PTPRD: variants seen among roughly 807,000 people sequenced by gnomAD.
PTPRD encodes protein tyrosine phosphatase receptor type D, also known as receptor-type tyrosine-protein phosphatase delta.
Under a neutral mutation model 214.5 loss-of-function variants are expected in PTPRD, and 34 were observed. The ratio of observed to expected loss-of-function variants is 0.16; its 90% confidence interval spans 0.12 to 0.21. The LOEUF (loss-of-function observed/expected upper bound fraction) is 0.21, where lower values mean the gene tolerates loss of function less well. Ranked by LOEUF, PTPRD falls within the 10% of genes least tolerant of loss-of-function variation. The pLI, the probability that PTPRD is intolerant of heterozygous loss-of-function variation, is 1.00. For synonymous variants in PTPRD, 1,128 were observed against 845.7 expected (o/e 1.33, Z -5.79); for missense variants, 2,545 against 2,398.7 (o/e 1.06, Z -1.27).
At chr9:9,050,136 G>T (rs140156722) in intron 10 of PTPRD, among the ~76,000 whole-genome samples, 1 of 152,178 alleles carries the variant, frequency 6.6e-6, no homozygotes, top group Non-Finnish European at 1.5e-5. Context: ...TATCTCCAAA[G>T]GCTATAAAAA....
chr9:8,351,402 G>T (rs974590767), intron 39 of PTPRD, among the ~76,000 whole-genome samples: 6 of 149,186 alleles, frequency 4.0e-5, no homozygotes, highest in Non-Finnish European at 8.9e-5. Context: ...GTATTTTTTT[G>T]TAGCTTTTTT....
chr9:9,274,830 C>T (rs1944342913), intron 9 of PTPRD, among the ~76,000 whole-genome samples: 1 of 149,458 alleles, frequency 6.7e-6, no homozygotes, highest in Non-Finnish European at 1.5e-5. Flanking sequence ...CCACAGAACA[C>T]TAGTCTTCAG....
rs369365390 is a variant in PTPRD, at chr9:8,633,304, C to G, written c.352+13G>C. The G allele has an allele frequency of 1.5e-5, 24 of 1,609,008 alleles. No individual in the cohort carries two copies. The African/African-American group carries it at 2.4e-4, about 16-fold the overall frequency. On this transcript the variant is annotated intron_variant, in intron 14 of 45. Coordinates refer to ENST00000381196, the MANE Select transcript of PTPRD (RefSeq NM_002839.4). ...ACAATGACACAAACGACAACCTTCA[C>G]TTGAGCACTTACCCCGCAAAACTGT... is the stretch of plus-strand genomic sequence containing the variant.
chr9:9,847,118 G>A (rs1348709858), intron 5 of PTPRD, among the ~76,000 whole-genome samples: 1 of 151,992 alleles, frequency 6.6e-6, no homozygotes, highest in Non-Finnish European at 1.5e-5. Context: ...CTCTTAAGTA[G>A]AACGAATAAC....
At chr9:9,161,565 A>C (rs2099888941) in intron 10 of PTPRD, among the ~76,000 whole-genome samples, 1 of 152,140 alleles carries the variant, frequency 6.6e-6, no homozygotes, top group Non-Finnish European at 1.5e-5. Context: ...ATGTAACAAA[A>C]TTCAAGAAGT....
At chr9:8,797,829 T>C (rs527534502) in intron 11 of PTPRD, among the ~76,000 whole-genome samples, 1 of 152,254 alleles carries the variant, frequency 6.6e-6, no homozygotes, top group Non-Finnish European at 1.5e-5. Flanking sequence ...CACTTTAGTG[T>C]CTAGAACAGG....
intron 11 of PTPRD, among the ~76,000 whole-genome samples, chr9:8,844,265 G>C (rs865894482): frequency 6.6e-6 from 1 of 152,108 alleles, no homozygotes; most frequent in South Asian, 2.1e-4. Context: ...TAGTTGCAAA[G>C]AACATTATTA....
intron 2 of PTPRD, among the ~76,000 whole-genome samples, chr9:10,475,885 T>C (rs1454735697): frequency 6.6e-6 from 1 of 151,926 alleles, no homozygotes; most frequent in Non-Finnish European, 1.5e-5. Flanking sequence ...AAAAAACATA[T>C]GATTATCTCA....
intron 11 of PTPRD, among the ~76,000 whole-genome samples, chr9:8,822,044 G>C (rs1370555100): frequency 6.6e-6 from 1 of 152,144 alleles, no homozygotes; most frequent in Non-Finnish European, 1.5e-5. Flanking sequence ...CCACCACTTT[G>C]GCAAACATGA....
chr9:9,481,370 A>G (rs906957555), intron 8 of PTPRD, among the ~76,000 whole-genome samples: 1 of 152,136 alleles, frequency 6.6e-6, no homozygotes. Context: ...CATGTAACAC[A>G]GTGACAGGAA....
At position 10,294,155 on chromosome 9, in the gene PTPRD, C is replaced by T. The variant is rs537213715; in HGVS notation, c.-545+46808G>A. ...TATCTCATTTTTATATTGGTTGTTT[C>T]AGTAAACACTGCCCAAAAACCTTTT... On this transcript the variant is annotated intron_variant, in intron 3 of 45. Coordinates refer to ENST00000381196, the MANE Select transcript of PTPRD (RefSeq NM_002839.4). 3.9e-5 allele frequency among the ~76,000 whole-genome samples: 6 copies of T among 151,998 alleles called. No individual in the cohort carries two copies. The South Asian group carries it at 8.3e-4, about 21-fold the overall frequency.
chr9:10,195,575 G>A (rs2099394663), intron 3 of PTPRD, among the ~76,000 whole-genome samples: 1 of 152,134 alleles, frequency 6.6e-6, no homozygotes, highest in Non-Finnish European at 1.5e-5. Flanking sequence ...AGACGCCGTG[G>A]CTCACGCCTG....
intron 5 of PTPRD, among the ~76,000 whole-genome samples, chr9:9,807,531 AT>A (rs1234571143): frequency 6.6e-6 from 1 of 152,088 alleles, no homozygotes; most frequent in East Asian, 1.9e-4. Context: ...CTTGTTAAGC[AT>A]TTTCCCATAT....
chr9:8,377,157 G>C (rs1410788621), intron 37 of PTPRD, among the ~76,000 whole-genome samples: 1 of 152,006 alleles, frequency 6.6e-6, no homozygotes, highest in Non-Finnish European at 1.5e-5. Context: ...TTCCAAATAT[G>C]CTTGTTTAAA....
intron 4 of PTPRD, among the ~76,000 whole-genome samples, chr9:9,956,008 C>T (rs901502555): frequency 2.0e-5 from 3 of 152,010 alleles, no homozygotes; most frequent in Admixed American, 2.0e-4. Context: ...TTATTTGAGG[C>T]AGGCCACATT....
At chr9:10,464,412 C>CAG (rs139389141) in intron 2 of PTPRD, among the ~76,000 whole-genome samples, 37,093 of 143,266 alleles carry the variant, frequency 0.26, 5,900 homozygotes, top group East Asian at 0.78. Flanking sequence ...GATAGAGAGA[C>CAG]AGAGAGAGAG....
At chr9:9,231,269 G>A (rs1018745832) in intron 9 of PTPRD, among the ~76,000 whole-genome samples, 6 of 152,078 alleles carry the variant, frequency 3.9e-5, no homozygotes, top group Non-Finnish European at 5.9e-5. Context: ...ACATTTTAAT[G>A]ACTGGGAATT....
At chr9:9,364,876 G>C (rs2057414500) in intron 9 of PTPRD, among the ~76,000 whole-genome samples, 1 of 139,008 alleles carries the variant, frequency 7.2e-6, no homozygotes, top group Admixed American at 6.8e-5. Context: ...AAACAGATTA[G>C]GTAGAAGGCC....
chr9:9,688,349 T>C (rs1435857492), intron 7 of PTPRD, among the ~76,000 whole-genome samples: 1 of 151,854 alleles, frequency 6.6e-6, no homozygotes, highest in Non-Finnish European at 1.5e-5. Flanking sequence ...TTTTCATTTA[T>C]TTGTTTGTTT....
Sources: allele counts gnomAD v4.1 joint callset (sites outside exome capture counted in the v4.1 genomes callset), GRCh38; gene constraint gnomAD v4.1.1; transcripts MANE v1.5; gene names NCBI Gene and HGNC (gene_info 2026-07-23, HGNC 2026-07-21).